The following REDIC1 variants were observed in gnomAD, a reference collection of about 807,000 sequenced individuals.
REDIC1 encodes regulator of DNA class I crossover intermediates 1, also known as HEI10 Interacting Protein 1.
chr12:39,626,954 G>T, the REDIC1 span, among the ~76,000 whole-genome samples: 150,980 of 152,350 alleles, frequency 0.99, 74,818 homozygotes, highest in East Asian at 1. Flanking sequence ...AAAATTTAGT[G>T]TTATATAACC....
the REDIC1 span, among the ~76,000 whole-genome samples, chr12:39,841,449 G>C: frequency 6.6e-6 from 1 of 152,050 alleles, no homozygotes; most frequent in Non-Finnish European, 1.5e-5. Flanking sequence ...CAACTCCAGT[G>C]GGGGTTAAGT....
the REDIC1 span, among the ~76,000 whole-genome samples, chr12:39,828,826 C>A: frequency 6.6e-6 from 1 of 151,796 alleles, no homozygotes; most frequent in African/African-American, 2.4e-5. Flanking sequence ...CTGATAAGAA[C>A]TATAAACTGA....
At chr12:39,838,387 T>G in the REDIC1 span, among the ~76,000 whole-genome samples, 1 of 144,906 alleles carries the variant, frequency 6.9e-6, no homozygotes, top group African/African-American at 2.6e-5. Flanking sequence ...ATATACCTAA[T>G]GCTAGATGAC....
At chr12:39,834,020 A>G in the REDIC1 span, among the ~76,000 whole-genome samples, 1 of 151,964 alleles carries the variant, frequency 6.6e-6, no homozygotes, top group Non-Finnish European at 1.5e-5. Flanking sequence ...GGCCTCACTG[A>G]GTTCTTCCCA....
the REDIC1 span, among the ~76,000 whole-genome samples, chr12:39,786,321 C>T: frequency 1.3e-5 from 2 of 151,732 alleles, no homozygotes; most frequent in Admixed American, 1.3e-4. Flanking sequence ...TCTTTGCTTC[C>T]TCCTCATTTT....
chr12:39,785,709 C>T, the REDIC1 span, among the ~76,000 whole-genome samples: 4 of 152,258 alleles, frequency 2.6e-5, no homozygotes, highest in Admixed American at 2.6e-4. Flanking sequence ...GGAGGCTCTA[C>T]CATGCAAAGA....
the REDIC1 span, among the ~76,000 whole-genome samples, chr12:39,877,106 T>G: frequency 2.0e-5 from 3 of 152,182 alleles, no homozygotes; most frequent in African/African-American, 7.2e-5. Flanking sequence ...AATTATATTT[T>G]CCTATTGGGA....
At chr12:39,870,865 A>T in the REDIC1 span, among the ~76,000 whole-genome samples, 2 of 152,180 alleles carry the variant, frequency 1.3e-5, no homozygotes, top group Non-Finnish European at 2.9e-5. Flanking sequence ...CTGGGTTTGG[A>T]ACTTAGAATG....
chr12:39,795,651 T>C, the REDIC1 span, among the ~76,000 whole-genome samples: 2 of 152,214 alleles, frequency 1.3e-5, no homozygotes, highest in Non-Finnish European at 2.9e-5. Flanking sequence ...TTACATTGGC[T>C]GTTGCTAGAC....
At chr12:39,893,386 G>A in the REDIC1 span, among the ~76,000 whole-genome samples, 1 of 152,132 alleles carries the variant, frequency 6.6e-6, no homozygotes, top group Non-Finnish European at 1.5e-5. Context: ...TGCAACCTCC[G>A]CCTCCCAGGT....
chr12:39,638,997 A>G, the REDIC1 span, among the ~76,000 whole-genome samples: 10 of 152,002 alleles, frequency 6.6e-5, no homozygotes, highest in Admixed American at 3.3e-4. Flanking sequence ...CTGCTTATAC[A>G]ATAAACATTT....
At chr12:39,736,365 C>T in the REDIC1 span, among the ~76,000 whole-genome samples, 1 of 152,178 alleles carries the variant, frequency 6.6e-6, no homozygotes, top group Non-Finnish European at 1.5e-5. Flanking sequence ...TATAACTTGT[C>T]TCTTTCATTC....
At chr12:39,843,966 T>C in the REDIC1 span, among the ~76,000 whole-genome samples, 1 of 152,028 alleles carries the variant, frequency 6.6e-6, no homozygotes, top group Admixed American at 6.6e-5. Flanking sequence ...CTGATCATTA[T>C]ATTGGTGACA....
chr12:39,704,981 G>A, the REDIC1 span, among the ~76,000 whole-genome samples: 1 of 151,080 alleles, frequency 6.6e-6, no homozygotes, highest in African/African-American at 2.5e-5. Flanking sequence ...TAGATGACGA[G>A]TTAGTGGGTG....
At chr12:39,713,325 T>TACGTGTATATATGTGTAC in the REDIC1 span, among the ~76,000 whole-genome samples, 396 of 136,366 alleles carry the variant, frequency 2.9e-3, 18 homozygotes, top group Non-Finnish European at 4.8e-3. Context: ...TATATGTGTA[T>TACGTGTATATATGTGTAC]ACACATATAC....
At chr12:39,762,743 C>T in the REDIC1 span, among the ~76,000 whole-genome samples, 2 of 151,980 alleles carry the variant, frequency 1.3e-5, no homozygotes. Context: ...AAATGAGACA[C>T]AAAAAGGGAG....
chr12:39,713,242 G>T, the REDIC1 span, among the ~76,000 whole-genome samples: 3 of 87,498 alleles, frequency 3.4e-5, 1 homozygote, highest in Non-Finnish European at 8.1e-5. Context: ...GTGTATATAT[G>T]TGTACACACA....
the REDIC1 span, among the ~76,000 whole-genome samples, chr12:39,662,864 C>T: frequency 6.6e-6 from 1 of 151,858 alleles, no homozygotes; most frequent in Admixed American, 6.6e-5. Flanking sequence ...GCATGCTTTT[C>T]CTGAATTAAT....
the REDIC1 span, among the ~76,000 whole-genome samples, chr12:39,860,959 T>C: frequency 2.0e-5 from 3 of 152,214 alleles, no homozygotes; most frequent in Non-Finnish European, 4.4e-5. Flanking sequence ...TTTACGTTCT[T>C]AGACTGAAGA....
Sources: gnomAD v4.1 joint callset for allele counts (sites outside exome capture counted in the v4.1 genomes callset) on GRCh38, gnomAD v4.1.1 for gene constraint, MANE v1.5 for transcripts, NCBI Gene and HGNC (gene_info 2026-07-23, HGNC 2026-07-21) for gene names.